Variants in LIN28B observed in about 807,000 individuals in gnomAD.
LIN28B encodes the protein lin-28 RNA binding posttranscriptional regulator B.
LIN28B carries 5 observed loss-of-function variants against 21.9 expected under a neutral mutation model. The observed-to-expected ratio is 0.23, with a 90% CI of 0.12 to 0.48. The LOEUF is 0.48. Among genes scored for constraint, LIN28B ranks in the 20% least tolerant of loss-of-function variants. LIN28B has a pLI of 0.98. For missense variants in LIN28B, 245 were observed against 310.5 expected (o/e 0.79, Z 1.58); for synonymous variants, 109 against 111.3 (o/e 0.98, Z 0.13).
At chr6:104,972,773 A>T (rs866037381) in intron 2 of LIN28B, among the ~76,000 whole-genome samples, 1 of 152,128 alleles carries the variant, frequency 6.6e-6, no homozygotes, top group Non-Finnish European at 1.5e-5. Flanking sequence ...TTCAGTATTT[A>T]TTTTTTTGGA....
At chr6:104,942,305 A>T (rs573657897) in intron 2 of LIN28B, among the ~76,000 whole-genome samples, 1 of 152,352 alleles carries the variant, frequency 6.6e-6, no homozygotes, top group African/African-American at 2.4e-5. Flanking sequence ...TTTTTAATCA[A>T]GAAAATATTA....
intron 3 of LIN28B, among the ~76,000 whole-genome samples, chr6:105,063,058 G>A (rs1201679992): frequency 6.6e-6 from 1 of 152,022 alleles, no homozygotes; most frequent in Non-Finnish European, 1.5e-5. Context: ...ATGACATCCT[G>A]TAGAATGACT....
At chr6:105,023,322 A>AT (rs1771182426) in intron 2 of LIN28B, among the ~76,000 whole-genome samples, 1 of 38,964 alleles carries the variant, frequency 2.6e-5, no homozygotes, top group East Asian at 1.2e-3. Flanking sequence ...TATTATATAT[A>AT]ATATATATAA....
intron 3 of LIN28B, among the ~76,000 whole-genome samples, chr6:105,063,639 G>T (rs528957378): frequency 3.0e-5 from 4 of 133,668 alleles, no homozygotes; most frequent in Non-Finnish European, 3.1e-5. Flanking sequence ...CCATCTCGGG[G>T]GGGGGGGGGA....
At chr6:105,058,152 G>T (rs1322970289) in intron 3 of LIN28B, 2 of 325,750 alleles carry the variant, frequency 6.1e-6, no homozygotes, top group Non-Finnish European at 1.2e-5. Flanking sequence ...AGAGGTACTT[G>T]TACCAACTGG....
chr6:105,022,785 C>T (rs1275026554), intron 2 of LIN28B, among the ~76,000 whole-genome samples: 2 of 151,998 alleles, frequency 1.3e-5, no homozygotes, highest in Non-Finnish European at 2.9e-5. Flanking sequence ...GGAAATGAGA[C>T]TGAGAAACAG....
At chr6:104,957,076 G>C, upstream of LIN28B, 5 of 1,490,982 alleles carry the variant, frequency 3.4e-6, no homozygotes, top group Non-Finnish European at 4.5e-6. Flanking sequence ...TGCTCAGGGG[G>C]CCAGAAACTG....
upstream of LIN28B, chr6:104,957,050 T>C: frequency 7.0e-7 from 1 of 1,431,044 alleles, no homozygotes; most frequent in Non-Finnish European, 9.1e-7. Flanking sequence ...AAGCATGTAA[T>C]TGACAAAGTC....
intron 3 of LIN28B, among the ~76,000 whole-genome samples, chr6:105,041,071 C>G (rs983412601): frequency 6.6e-6 from 1 of 151,116 alleles, no homozygotes; most frequent in Non-Finnish European, 1.5e-5. Context: ...ACCAACACAA[C>G]CAATAATTTT....
At chr6:105,053,996 G>C (rs564235568) in intron 3 of LIN28B, among the ~76,000 whole-genome samples, 2 of 152,148 alleles carry the variant, frequency 1.3e-5, no homozygotes, top group South Asian at 4.2e-4. Flanking sequence ...CACCTGCCTC[G>C]GCCTCCCAAA....
intron 2 of LIN28B, among the ~76,000 whole-genome samples, chr6:104,999,805 G>A (rs539409290): frequency 4.6e-5 from 7 of 151,932 alleles, no homozygotes; most frequent in East Asian, 2.0e-4. Flanking sequence ...CTCAGCCCCC[G>A]GAGTAGCTGG....
intron 2 of LIN28B, among the ~76,000 whole-genome samples, chr6:105,022,719 G>A (rs867339499): frequency 9.2e-5 from 14 of 152,270 alleles, no homozygotes; most frequent in South Asian, 2.1e-4. Flanking sequence ...AGGGGTTCTG[G>A]TTCTGTAACC....
chr6:105,063,219 G>T (rs1375683380), intron 3 of LIN28B, among the ~76,000 whole-genome samples: 2 of 152,100 alleles, frequency 1.3e-5, no homozygotes, highest in African/African-American at 4.8e-5. Context: ...CTAGAGTACT[G>T]CTAGGTATCT....
At chr6:105,008,792 TACTTTGAGTTCAAA>T (rs1444556991) in intron 2 of LIN28B, among the ~76,000 whole-genome samples, 2 of 152,238 alleles carry the variant, frequency 1.3e-5, no homozygotes, top group African/African-American at 4.8e-5. Flanking sequence ...GAATTTGTTT[TACTTTGAGTTCAAA>T]GACTTGACAC....
intron 3 of LIN28B, among the ~76,000 whole-genome samples, chr6:105,028,017 A>G (rs1562098248): frequency 6.6e-6 from 1 of 152,236 alleles, no homozygotes; most frequent in Admixed American, 6.5e-5. Flanking sequence ...ACACTTAGCT[A>G]TTAAAGTGGT....
chr6:105,026,753 C>G (rs1447357669), intron 3 of LIN28B, among the ~76,000 whole-genome samples: 1 of 152,036 alleles, frequency 6.6e-6, no homozygotes, highest in Non-Finnish European at 1.5e-5. Context: ...TTGAAGTTCC[C>G]AATAGATAGA....
rs566560883 is a variant in LIN28B, at chr6:105,036,778, G to A, written c.383+10296G>A. On this transcript the variant is annotated intron_variant, in intron 3 of 3. Transcript: ENST00000345080. ...AGTTCCAGAAGCAACTCTAATAATA[G>A]TTCAAGTAGAAATTATGGATTTAAG... 3.2e-4 allele frequency among the ~76,000 whole-genome samples: 49 copies of A among 152,272 alleles called. 1 individual carries two copies. In the South Asian group the frequency reaches 9.9e-3, roughly 31 times the overall value.
At chr6:105,054,454 T>G (rs550760429) in intron 3 of LIN28B, among the ~76,000 whole-genome samples, 92 of 152,254 alleles carry the variant, frequency 6.0e-4, no homozygotes, top group Non-Finnish European at 9.7e-4. Flanking sequence ...TACTTTTGCT[T>G]TAAATAGTGT....
intron 3 of LIN28B, among the ~76,000 whole-genome samples, chr6:105,034,096 G>A (rs925378565): frequency 6.6e-6 from 1 of 151,810 alleles, no homozygotes; most frequent in Non-Finnish European, 1.5e-5. Flanking sequence ...AAAGTGCATG[G>A]ATATGTAGTG....
Sources: gnomAD v4.1 joint callset for allele counts (sites outside exome capture counted in the v4.1 genomes callset) on GRCh38, gnomAD v4.1.1 for gene constraint, MANE v1.5 for transcripts, NCBI Gene and HGNC (gene_info 2026-07-23, HGNC 2026-07-21) for gene names.